The following NCALD variants were observed in gnomAD, a reference collection of about 807,000 sequenced individuals.
The protein encoded by NCALD is neurocalcin delta, also known as neurocalcin-delta.
NCALD carries 10 observed loss-of-function variants against 18.6 expected under a neutral mutation model. The ratio of observed to expected loss-of-function variants is 0.54; its 90% CI spans 0.33 to 0.91. The LOEUF (loss-of-function observed/expected upper bound fraction) is 0.91, where lower values mean the gene tolerates loss of function less well. Ranked by LOEUF, NCALD falls within the 40% of genes least tolerant of loss-of-function variation. The pLI is 0.03. For missense variants in NCALD, 184 were observed against 247.6 expected, an observed-to-expected ratio of 0.74 and a Z score of 1.72; for synonymous variants, 88 against 87.4, an observed-to-expected ratio of 1.01 and a Z score of -0.04.
intron 4 of NCALD, among the ~76,000 whole-genome samples, chr8:101,800,138 G>A (rs983485380): frequency 6.6e-6 from 1 of 152,178 alleles, no homozygotes; most frequent in East Asian, 1.9e-4. Context: ...TGGAAACACA[G>A]ACATATAGAA....
intron 2 of NCALD, among the ~76,000 whole-genome samples, chr8:101,917,752 CAACTTCCTAAGGCTG>C (rs1254527144): frequency 6.6e-6 from 1 of 152,038 alleles, no homozygotes; most frequent in Non-Finnish European, 1.5e-5. Context: ...TGGAAACACA[CAACTTCCTAAGGCTG>C]AATTAGAAGG....
At chr8:102,124,817 CT>C (rs1402996422), upstream of NCALD, 1 of 152,246 alleles carries the variant, frequency 6.6e-6, no homozygotes, top group Non-Finnish European at 1.5e-5. Context: ...CTGCTTTTGT[CT>C]AACTAGTGCT....
At chr8:101,869,540 A>C (rs1040192568) in intron 4 of NCALD, among the ~76,000 whole-genome samples, 5 of 152,186 alleles carry the variant, frequency 3.3e-5, no homozygotes, top group African/African-American at 7.2e-5. Context: ...TTAATTTGTT[A>C]CAGCAGCTAC....
chr8:101,711,070 G>T (rs555521321), intron 2 of NCALD, among the ~76,000 whole-genome samples: 29 of 152,294 alleles, frequency 1.9e-4, no homozygotes, highest in Non-Finnish European at 4.0e-4. Flanking sequence ...AGAGGAAGGA[G>T]CAGGCAGCAA....
At chr8:101,945,844 C>T (rs750350896) in intron 2 of NCALD, among the ~76,000 whole-genome samples, 6 of 152,196 alleles carry the variant, frequency 3.9e-5, no homozygotes, top group Admixed American at 6.5e-5. Context: ...AGTTGGTAAA[C>T]GAGGCTAAAT....
At chr8:102,027,053 G>A (rs1822484169) in intron 1 of NCALD, among the ~76,000 whole-genome samples, 1 of 152,242 alleles carries the variant, frequency 6.6e-6, no homozygotes, top group Non-Finnish European at 1.5e-5. Context: ...ACAGGGCAGG[G>A]AGGCCCTGGG....
At chr8:101,784,524 C>T (rs543287238) in intron 1 of NCALD, among the ~76,000 whole-genome samples, 1 of 152,242 alleles carries the variant, frequency 6.6e-6, no homozygotes, top group South Asian at 2.1e-4. Flanking sequence ...TATGGTAATG[C>T]AGTGGCTCAT....
intron 1 of NCALD, among the ~76,000 whole-genome samples, chr8:102,085,579 AC>A (rs1422290135): frequency 7.4e-6 from 1 of 134,434 alleles, no homozygotes; most frequent in Non-Finnish European, 1.6e-5. Flanking sequence ...CCATGGTGAA[AC>A]CCAGTCTCTA....
rs757617009 is a variant in NCALD, at chr8:102,050,196, T to G, written c.-209-29907A>C. ...AAAAAAAAAAAAAAAAAAAAAAAAA[T>G]TGAGCTGTTTTCTAATCATTGAGTT... On this transcript the variant is annotated intron_variant, in intron 1 of 6. Coordinates refer to the NCALD transcript ENST00000311028. Among the ~76,000 whole-genome samples the G allele has an allele frequency of 2.8e-3, 244 of 86,788 alleles. 6 individuals are homozygous for G. Among genetic ancestry groups the G allele is most frequent in the Non-Finnish European group, 3.9e-3 (164 of 42,286 alleles). The allele number at this position is 86,788 out of a possible 152,430, so 56.9% of individuals were successfully genotyped here.
chr8:102,045,431 T>C lies in NCALD; in HGVS notation c.-209-25142A>G, dbSNP rs184922296. On this transcript the variant is annotated intron_variant, in intron 1 of 6. Coordinates refer to the NCALD transcript ENST00000311028. ...TATGAAAATGAAATTAGAAAACGCT[T>C]ACATTTTATTCTTTATTACATAACT... 1.7e-4 allele frequency among the ~76,000 whole-genome samples: 26 copies of C among 152,372 alleles called. No individual in the cohort carries two copies. In the East Asian group the frequency reaches 4.4e-3, roughly 26 times the overall value.
At chr8:101,786,933 A>G (rs1040446821) in intron 1 of NCALD, among the ~76,000 whole-genome samples, 1 of 151,784 alleles carries the variant, frequency 6.6e-6, no homozygotes, top group Non-Finnish European at 1.5e-5. Flanking sequence ...CATGCAAAAA[A>G]CCCCCTAAAG....
intron 4 of NCALD, among the ~76,000 whole-genome samples, chr8:101,838,994 CCTT>C (rs1181994974): frequency 6.6e-6 from 1 of 152,198 alleles, no homozygotes. Flanking sequence ...GGGAAACTCT[CCTT>C]CTCTTCTGCT....
chr8:101,921,338 TAA>T (rs1204542932), intron 2 of NCALD, among the ~76,000 whole-genome samples: 1 of 151,814 alleles, frequency 6.6e-6, no homozygotes, highest in African/African-American at 2.4e-5. Flanking sequence ...AAAATATCAA[TAA>T]ATATGCAATT....
chr8:101,694,364 AC>A (rs1814887623), intron 2 of NCALD: 1 of 152,162 alleles, frequency 6.6e-6, no homozygotes, highest in African/African-American at 2.4e-5. Flanking sequence ...CTTGCTCAGG[AC>A]CAACCCTGCC....
intron 2 of NCALD, among the ~76,000 whole-genome samples, chr8:101,958,461 T>A (rs1255402896): frequency 1.3e-5 from 2 of 151,940 alleles, no homozygotes; most frequent in African/African-American, 4.8e-5. Flanking sequence ...CTCCTTGGAG[T>A]TCGTTCAAGG....
intron 4 of NCALD, among the ~76,000 whole-genome samples, chr8:101,814,323 G>A (rs1813415135): frequency 6.6e-6 from 1 of 151,978 alleles, no homozygotes; most frequent in Admixed American, 6.6e-5. Flanking sequence ...ATTTATGCCA[G>A]GTATGGTTTA....
Position 101,826,175 on chromosome 8 carries a change from G to A in NCALD, c.-20+60966C>T, listed in dbSNP as rs139678641. On this transcript the variant is annotated intron_variant, in intron 4 of 6. Coordinates refer to the NCALD transcript ENST00000311028. ...ATACCTCCAGCACTCAAGATACTGG[G>A]GAAGACAGCAAGACTTCAGAGAAGA... is the stretch of plus-strand genomic sequence containing the variant. 2.4e-3 allele frequency among the ~76,000 whole-genome samples: 367 copies of A among 152,282 alleles called. 3 individuals are homozygous for A. The highest frequency in any genetic ancestry group is 8.0e-3 in the African/African-American group (334 of 41,554).
intron 4 of NCALD, among the ~76,000 whole-genome samples, chr8:101,820,158 T>C (rs757586005): frequency 1.6e-4 from 25 of 152,200 alleles, no homozygotes; most frequent in South Asian, 4.1e-4. Flanking sequence ...AATTCGCCCA[T>C]CTCCTGCCTA....
intron 4 of NCALD, among the ~76,000 whole-genome samples, chr8:101,824,217 T>C (rs931307453): frequency 1.3e-5 from 2 of 152,178 alleles, no homozygotes; most frequent in Non-Finnish European, 2.9e-5. Flanking sequence ...ACTGGCAGTA[T>C]TTGTTACTAT....
Sources: gnomAD v4.1 joint callset for allele counts (sites outside exome capture counted in the v4.1 genomes callset) on GRCh38, gnomAD v4.1.1 for gene constraint, MANE v1.5 for transcripts, NCBI Gene and HGNC (gene_info 2026-07-23, HGNC 2026-07-21) for gene names.